Variants in GOLT1B observed in about 807,000 individuals in gnomAD.
GOLT1B encodes the protein golgi transport 1B.
In GOLT1B, 3 loss-of-function variants were observed where a neutral mutation model predicts 15.4. The observed-to-expected ratio is 0.19, with a 90% CI of 0.09 to 0.50. The LOEUF (loss-of-function observed/expected upper bound fraction) is 0.50, where lower values mean the gene tolerates loss of function less well. Ranked by LOEUF, GOLT1B falls within the 20% of genes least tolerant of loss-of-function variation. GOLT1B has a pLI of 0.97. For synonymous variants in GOLT1B, 65 were observed against 56.2 expected, an observed-to-expected ratio of 1.16 and a Z score of -0.70; for missense variants, 145 against 160.4, an observed-to-expected ratio of 0.90 and a Z score of 0.52.
chr12:21,511,615 T>G (rs1329262237), intron 3 of GOLT1B, among the ~76,000 whole-genome samples: 2 of 152,200 alleles, frequency 1.3e-5, no homozygotes, highest in African/African-American at 2.4e-5. Flanking sequence ...TGATAACTCA[T>G]TAGTATACAA....
intron 1 of GOLT1B, among the ~76,000 whole-genome samples, chr12:21,506,211 G>A (rs1257174725): frequency 6.6e-6 from 1 of 152,014 alleles, no homozygotes; most frequent in African/African-American, 2.4e-5. Flanking sequence ...TAGGACTCTA[G>A]ACCAAATATT....
rs956467827 is a variant in GOLT1B, at chr12:21,518,119, T to C, written c.*2412T>C. On this transcript the variant is annotated 3_prime_UTR_variant, in exon 5 of 5. Coordinates refer to ENST00000229314, the MANE Select transcript of GOLT1B (RefSeq NM_016072.5). Reference sequence around the variant, plus strand: ...ATCTAACAATTGAATATTGTAAATATACTTGTCTTACCTCTCAATAAAAGG... The same window carrying C: ...ATCTAACAATTGAATATTGTAAATACACTTGTCTTACCTCTCAATAAAAGG... 1.1e-4 allele frequency: 17 copies of C among 152,564 alleles called. No homozygotes were observed. Among genetic ancestry groups the C allele is most frequent in the African/African-American group, 3.8e-4 (16 of 41,588 alleles). 9.5% of individuals were successfully genotyped at this position (152,564 alleles called of 1,614,324 possible).
rs2136812143 is a variant in GOLT1B, at chr12:21,515,929, G to GTCA, written c.*222_*223insTCA. On this transcript the variant is annotated 3_prime_UTR_variant, in exon 5 of 5. Coordinates refer to ENST00000229314, the MANE Select transcript of GOLT1B (RefSeq NM_016072.5). The stretch of plus-strand genomic sequence containing the variant: ...GAAGAAGTCAGCAAGCAAACTGAGA[G>GTCA]AGGTGAAATCCATGTTAATGATGCT... The GTCA allele has an allele frequency of 2.3e-6, 1 of 439,866 alleles. No individual in the cohort carries two copies. Among genetic ancestry groups the GTCA allele is most frequent in the Non-Finnish European group, 4.0e-6 (1 of 252,374 alleles). 27.2% of individuals were successfully genotyped at this position (439,866 alleles called of 1,614,324 possible). A position where few individuals can be genotyped will look rare whatever the true frequency, so the allele number is the denominator to read the frequency against.
chr12:21,507,458 T>C (rs1457216617), intron 2 of GOLT1B, among the ~76,000 whole-genome samples: 1 of 152,052 alleles, frequency 6.6e-6, no homozygotes, highest in Non-Finnish European at 1.5e-5. Flanking sequence ...TATTCATGTG[T>C]GGAGGTTATG....
Position 21,515,897 on chromosome 12 carries a change from G to A in GOLT1B, c.*190G>A, listed in dbSNP as rs1302285949. On this transcript the variant is annotated 3_prime_UTR_variant, in exon 5 of 5. Coordinates refer to ENST00000229314, the MANE Select transcript of GOLT1B (RefSeq NM_016072.5). ...AGTGAAAACAGGCTTCTACTCAAGT[G>A]AACTAAGAAGAAGTCAGCAAGCAAA... 6.5e-6 allele frequency: 3 copies of A among 460,008 alleles called. No homozygotes were observed. The highest frequency in any genetic ancestry group is 2.0e-5 in the African/African-American group (1 of 48,822). 28.5% of individuals were successfully genotyped at this position (460,008 alleles called of 1,614,324 possible).
intron 1 of GOLT1B, among the ~76,000 whole-genome samples, chr12:21,505,828 C>A (rs1294657076): frequency 1.3e-5 from 2 of 152,046 alleles, no homozygotes; most frequent in Non-Finnish European, 2.9e-5. Context: ...GTGCTTCTAA[C>A]TAAACTACGG....
In GOLT1B at chr12:21,506,992, T is replaced by C. The variant is rs774582527; in HGVS notation, c.117+16T>C. On this transcript the variant is annotated intron_variant, in intron 2 of 4. Transcript: ENST00000229314. ...TATTGGAAATGTGAGTTTTTAAATA[T>C]ATATTTTAACTAAATTTATAAGGAA... The C allele has an allele frequency of 2.5e-5, 25 of 992,180 alleles. No homozygotes were observed. Among genetic ancestry groups the C allele is most frequent in the Non-Finnish European group, 3.6e-5 (23 of 631,144 alleles). The allele number at this position is 992,180 out of a possible 1,614,324, so 61.5% of individuals were successfully genotyped here.
chr12:21,504,302 A>G (rs927886109), intron 1 of GOLT1B, among the ~76,000 whole-genome samples: 2 of 152,174 alleles, frequency 1.3e-5, no homozygotes, highest in African/African-American at 4.8e-5. Context: ...AAGGCTTTTG[A>G]TAGCCAGAGG....
Position 21,517,062 on chromosome 12 carries a change from G to A in GOLT1B, c.*1355G>A, listed in dbSNP as rs4565955. 52,132 of 152,318 alleles carry A rather than the reference G, an allele frequency of 0.34. 10,069 individuals are homozygous for A. The highest frequency in any genetic ancestry group is 0.46 in the East Asian group (2,361 of 5,182). 9.4% of individuals were successfully genotyped at this position (152,318 alleles called of 1,614,324 possible). On this transcript the variant is annotated 3_prime_UTR_variant, in exon 5 of 5. Transcript: ENST00000229314. ...TATTTGTTTTACCACTGATTGCACTGTTTTGTTTTTTTAACAGTTGCAAAG... is the reference window on the plus strand; with the variant it reads ...TATTTGTTTTACCACTGATTGCACTATTTTGTTTTTTTAACAGTTGCAAAG...
chr12:21,502,356 C>G (rs994264887), intron 1 of GOLT1B, among the ~76,000 whole-genome samples: 2 of 152,226 alleles, frequency 1.3e-5, no homozygotes, highest in Non-Finnish European at 2.9e-5. Context: ...GGGTCCTCTA[C>G]AAGTCCCTGG....
rs961474899 is a variant in GOLT1B, at chr12:21,518,396, T to A, written c.*2689T>A. On this transcript the variant is annotated 3_prime_UTR_variant, in exon 5 of 5. Coordinates refer to ENST00000229314, the MANE Select transcript of GOLT1B (RefSeq NM_016072.5). ...AAGTCACTTACCTTGGGCAATATGC[T>A]ATTTTTTAAAAATCAGACTCCCAGT... is the stretch of plus-strand genomic sequence containing the variant. 6.6e-6 allele frequency: 1 copy of A among 152,172 alleles called. No individual in the cohort carries two copies. The highest frequency in any genetic ancestry group is 2.4e-5 in the African/African-American group (1 of 41,462). The allele number at this position is 152,172 out of a possible 1,614,324, so 9.4% of individuals were successfully genotyped here. A position where few individuals can be genotyped will look rare whatever the true frequency, so the allele number is the denominator to read the frequency against.
intron 4 of GOLT1B, among the ~76,000 whole-genome samples, chr12:21,514,870 G>C (rs1441663554): frequency 6.6e-6 from 1 of 151,790 alleles, no homozygotes; most frequent in Non-Finnish European, 1.5e-5. Flanking sequence ...TGTGAATCGT[G>C]AAACAAAATA....
At chr12:21,504,185 A>G (rs954566058) in intron 1 of GOLT1B, among the ~76,000 whole-genome samples, 3 of 152,162 alleles carry the variant, frequency 2.0e-5, no homozygotes, top group East Asian at 1.9e-4. Context: ...AATTGTTTTT[A>G]TATTTTTTTT....
intron 1 of GOLT1B, among the ~76,000 whole-genome samples, chr12:21,506,360 A>G (rs1943678586): frequency 6.6e-6 from 1 of 152,052 alleles, no homozygotes; most frequent in Non-Finnish European, 1.5e-5. Context: ...TCTTGTTGCC[A>G]TTGTGACAAG....
At chr12:21,508,709 C>A in intron 3 of GOLT1B, 148 bp downstream of exon 3, 1 of 572,828 alleles carries the variant, frequency 1.7e-6, no homozygotes, top group South Asian at 2.3e-5. Context: ...TTAGATGAAG[C>A]AACTATAAAA....
At chr12:21,508,661 C>T (rs1591761540) in intron 3 of GOLT1B, 100 bp downstream of exon 3, 3 of 661,906 alleles carry the variant, frequency 4.5e-6, no homozygotes, top group East Asian at 2.8e-5. Flanking sequence ...ATGATCATTT[C>T]CTTAAATGGA....
In GOLT1B at chr12:21,501,933, T is replaced by G. The variant is rs1463744082; in HGVS notation, c.10T>G (p.Leu4Val). The change falls in exon 1 of 5, where the codon TTA becomes GTA. Residue 4 changes from leucine to valine, a missense_variant. Leu to Val is a conservative substitution (Grantham distance 32). Coordinates refer to ENST00000229314, the MANE Select transcript of GOLT1B (RefSeq NM_016072.5). ...CCCCACCACTGCAGCCATGATCTCCTTAACGGACACGCAGAGTAAGCACCT... is the reference window on the plus strand; with the variant it reads ...CCCCACCACTGCAGCCATGATCTCCGTAACGGACACGCAGAGTAAGCACCT... Reference protein sequence around the residue: MISLTDTQKIGMGL... With the variant: MISVTDTQKIGMGL... The G allele has an allele frequency of 1.2e-6, 2 of 1,609,772 alleles. No homozygotes were observed. Among genetic ancestry groups the G allele is most frequent in the East Asian group, 4.5e-5 (2 of 44,844 alleles).
In GOLT1B at chr12:21,512,352, C is replaced by T. The variant is rs199629012; in HGVS notation, c.354C>T (p.Leu118=). The T allele has an allele frequency of 5.8e-5, 88 of 1,525,370 alleles. No individual in the cohort carries two copies. Among genetic ancestry groups the T allele is most frequent in the Admixed American group, 5.0e-5 (3 of 59,764 alleles). The allele number at this position is 1,525,370 out of a possible 1,614,324, so 94.5% of individuals were successfully genotyped here. A position where few individuals can be genotyped will look rare whatever the true frequency, so the allele number is the denominator to read the frequency against. ...GAAGAGTGCCAGTCCTTGGATCCCTCCTAAATTTACCTGGAATTAGATCAG... is the reference window on the plus strand; with the variant it reads ...GAAGAGTGCCAGTCCTTGGATCCCTTCTAAATTTACCTGGAATTAGATCAG... ...FIRRVPVLGS[L]LNLPGIRSFV... is the part of the protein sequence containing the mutation. The change falls in exon 4 of 5, where the codon CTC becomes CTT. Residue 118 remains leucine, a synonymous_variant. Transcript: ENST00000229314.
In GOLT1B at chr12:21,512,302, T is replaced by C. The variant is rs1943725669; in HGVS notation, c.304T>C (p.Phe102Leu). 1.3e-6 allele frequency: 2 copies of C among 1,550,344 alleles called. No individual in the cohort carries two copies. The highest frequency in any genetic ancestry group is 1.8e-6 in the Non-Finnish European group (2 of 1,123,966). Residue 102 changes from phenylalanine (F) to leucine (L), a missense_variant, in exon 4 of 5, where the codon TTT (phenylalanine) becomes CTT (leucine). Transcript: ENST00000229314. ...YGFFLLFRGF[F>L]PVVVGFIRRV... The stretch of plus-strand genomic sequence containing the variant: ...TTTTTTTCCCTCTCCCAGGGGCTTC[T>C]TTCCTGTCGTTGTTGGCTTTATTAG...
Sources: gnomAD v4.1 joint callset for allele counts (sites outside exome capture counted in the v4.1 genomes callset) on GRCh38, gnomAD v4.1.1 for gene constraint, MANE v1.5 for transcripts, NCBI Gene and HGNC (gene_info 2026-07-23, HGNC 2026-07-21) for gene names.